Variants in ITGA2B observed in about 807,000 individuals in gnomAD.
ITGA2B encodes integrin alpha-IIb.
Under a neutral mutation model 142.0 loss-of-function variants are expected in ITGA2B, and 91 were observed. The ratio of observed to expected loss-of-function variants is 0.64; its 90% CI spans 0.54 to 0.76. The LOEUF is 0.76. ITGA2B is among the 30% of genes least tolerant of loss of function. The probability of loss-of-function intolerance (pLI) is 0.00; values close to 1 mark genes in which losing one functional copy is unlikely to be tolerated. For synonymous variants in ITGA2B, 536 were observed against 567.2 expected, an observed-to-expected ratio of 0.94 and a Z score of 0.78; for missense variants, 1,231 against 1,350.8, an observed-to-expected ratio of 0.91 and a Z score of 1.39.
At chr17:44,387,826 CAAAAAAAAAAAAAA>C (rs980395817) in intron 1 of ITGA2B, among the ~76,000 whole-genome samples, 53 of 24,562 alleles carry the variant, frequency 2.2e-3, no homozygotes, top group Non-Finnish European at 3.6e-3. Context: ...AACCCCATCT[CAAAAAAAAAAAAAA>C]AAAAAAAAAA....
chr17:44,376,003 G>T lies in ITGA2B; in HGVS notation c.2449-18C>A, dbSNP rs772401197. The T allele has an allele frequency of 4.3e-6, 7 of 1,613,938 alleles. No individual in the cohort carries two copies. The highest frequency in any genetic ancestry group is 1.1e-5 in the South Asian group (1 of 91,086). Reference sequence around the variant, plus strand: ...TTGTGGAGCTGAAGGGGTGGTGGTGGCAGGGTGTGGGGAGCTTAGCGCCTC... The same window carrying T: ...TTGTGGAGCTGAAGGGGTGGTGGTGTCAGGGTGTGGGGAGCTTAGCGCCTC... On this transcript the variant is annotated intron_variant, in intron 24 of 29. Transcript: ENST00000262407.
intron 22 of ITGA2B, 37 bp from the exon 23 acceptor site, chr17:44,376,425 ACACCAGCCCAGTG>A: frequency 6.2e-7 from 1 of 1,600,984 alleles, no homozygotes; most frequent in Non-Finnish European, 8.6e-7. Context: ...AGGGCCAGGG[ACACCAGCCCAGTG>A]ACTTTCTGGG....
intron 13 of ITGA2B, 111 bp from the exon 14 acceptor site, chr17:44,380,756 C>G (rs772664304): frequency 6.3e-7 from 1 of 1,589,718 alleles, no homozygotes; most frequent in Non-Finnish European, 8.6e-7. Flanking sequence ...TCACCCAGCC[C>G]CTCTGGCAGT....
intron 12 of ITGA2B, 107 bp from the exon 13 acceptor site, chr17:44,381,168 G>T: frequency 8.8e-7 from 1 of 1,134,438 alleles, no homozygotes; most frequent in Non-Finnish European, 1.2e-6. Flanking sequence ...ACTAGGAAAG[G>T]GGTGCAAAGT....
intron 4 of ITGA2B, 76 bp downstream of exon 4, chr17:44,385,475 C>A (rs1344019909): frequency 5.6e-5 from 84 of 1,512,532 alleles, no homozygotes; most frequent in Non-Finnish European, 7.2e-5. Flanking sequence ...AGGGCTGCGG[C>A]GCTGGGGGCG....
chr17:44,375,058 C>T lies in ITGA2B; in HGVS notation c.2781G>A (p.Ala927=). 6.5e-7 allele frequency: 1 copy of T among 1,547,828 alleles called. No individual in the cohort carries two copies. The highest frequency in any genetic ancestry group is 8.7e-7 in the Non-Finnish European group (1 of 1,146,950). ...CCGTGACCATGGCCCGCTGCCCGCG[C>T]GCCATCTCCTGCAGGTCACACTGCA... ...TVVQCDLQEM[A]RGQRAMVTVL... Residue 927 remains alanine, a synonymous_variant, in exon 27 of 30, where the codon GCG becomes GCA. Transcript: ENST00000262407.
In ITGA2B at chr17:44,388,820, T is replaced by C. The variant is rs57910405; in HGVS notation, c.188+466A>G. Reference sequence around the variant, plus strand: ...GTGTGAGCCACTGTGCCTGGTCTCTTTTTTTTTTTTTTTTTTGTATTTTTA... The same window carrying C: ...GTGTGAGCCACTGTGCCTGGTCTCTCTTTTTTTTTTTTTTTTGTATTTTTA... On this transcript the variant is annotated intron_variant, in intron 1 of 29. Transcript: ENST00000262407. Among the ~76,000 whole-genome samples the C allele has an allele frequency of 6.0e-3, 881 of 145,872 alleles. 13 individuals are homozygous for C. The highest frequency in any genetic ancestry group is 0.02 in the African/African-American group (777 of 39,744).
At position 44,374,730 on chromosome 17, in the gene ITGA2B, G is replaced by T; in HGVS notation, c.2872C>A (p.His958Asn). The stretch of plus-strand genomic sequence containing the variant: ...AGGGAGGACACGTTGAACCATGCGT[G>T]CGACTGCAGCACAAACTGATCCAGA... ...RPLDQFVLQSHAWFNVSSLPY... is the reference protein window; with the variant it reads ...RPLDQFVLQSNAWFNVSSLPY... Residue 958 changes from histidine (H) to asparagine (N), a missense_variant, in exon 28 of 30, where the codon CAC becomes AAC. Coordinates refer to ENST00000262407, the MANE Select transcript of ITGA2B (RefSeq NM_000419.5). 1 of 1,614,074 alleles carries T rather than the reference G, an allele frequency of 6.2e-7. No homozygotes were observed. The highest frequency in any genetic ancestry group is 8.5e-7 in the Non-Finnish European group (1 of 1,180,010).
rs2048647163 is a variant in ITGA2B, at chr17:44,386,118, C to T, written c.202G>A (p.Val68Met). ...KDSHGRVAIV[V>M]GAPRTLGPSQ... is the part of the protein sequence containing the mutation. The stretch of plus-strand genomic sequence containing the variant: ...GGGCCCAGGGTCCGCGGGGCGCCCA[C>T]CACGATGGCCACTCTGCATAGGAAA... The change falls in exon 2 of 30, where the codon GTG becomes ATG. Residue 68 changes from valine to methionine, a missense_variant. By Grantham distance (21) the Val-to-Met change is conservative. Transcript: ENST00000262407. 2 of 1,599,686 alleles carry T rather than the reference C, an allele frequency of 1.3e-6. No individual in the cohort carries two copies. The highest frequency in any genetic ancestry group is 1.7e-6 in the Non-Finnish European group (2 of 1,175,494).
rs850731 is a variant in ITGA2B, at chr17:44,376,902, T to C, written c.2267+107A>G. 0.45 allele frequency: 394,696 copies of C among 870,180 alleles called. 93,253 individuals carry two copies. Among genetic ancestry groups the C allele is most frequent in the African/African-American group, 0.77 (46,533 of 60,414 alleles). 53.9% of individuals were successfully genotyped at this position (870,180 alleles called of 1,614,324 possible). ...TGCTGGGATTACAGGTGTGAGCCAC[T>C]GCGCCTGGCCTCGAAAGACCCTTCT... is the stretch of plus-strand genomic sequence containing the variant. On this transcript the variant is annotated intron_variant, in intron 22 of 29. Coordinates refer to ENST00000262407, the MANE Select transcript of ITGA2B (RefSeq NM_000419.5).
chr17:44,373,312 A>AT (rs1186098408), intron 29 of ITGA2B, among the ~76,000 whole-genome samples: 1 of 151,536 alleles, frequency 6.6e-6, no homozygotes. Flanking sequence ...TAATTTTTGT[A>AT]TTTTTAGTAG....
chr17:44,377,131 CT>C, intron 21 of ITGA2B, 43 bp from the exon 22 acceptor site: 1 of 1,432,458 alleles, frequency 7.0e-7, no homozygotes. Context: ...AAGTGCCCCA[CT>C]TAGGACAGCC....
chr17:44,386,372 A>G (rs1388196725), intron 1 of ITGA2B, among the ~76,000 whole-genome samples: 1 of 152,234 alleles, frequency 6.6e-6, no homozygotes, highest in Non-Finnish European at 1.5e-5. Context: ...AGCTGGGACT[A>G]TAACCATTTG....
At chr17:44,384,231 G>T in intron 9 of ITGA2B, 80 bp downstream of exon 9, 1 of 1,586,474 alleles carries the variant, frequency 6.3e-7, no homozygotes, top group Non-Finnish European at 8.6e-7. Context: ...AGGCGGGGCG[G>T]GGGTGGGGGG....
chr17:44,375,508 AC>A (rs1567898206), intron 26 of ITGA2B, 82 bp downstream of exon 26: 1 of 1,549,710 alleles, frequency 6.5e-7, no homozygotes. Flanking sequence ...CCCACAGCAC[AC>A]CCGGACCCCT....
In ITGA2B at chr17:44,377,742, C is replaced by A; in HGVS notation, c.2143G>T (p.Val715Leu). 1 of 1,613,980 alleles carries A rather than the reference C, an allele frequency of 6.2e-7. No individual in the cohort carries two copies. The highest frequency in any genetic ancestry group is 8.5e-7 in the Non-Finnish European group (1 of 1,179,946). Residue 715 changes from valine (V) to leucine (L), a missense_variant, in exon 21 of 30, where the codon GTG becomes TTG. By Grantham distance (32) the Val-to-Leu change is conservative (BLOSUM62 1). This residue lies in a region of ITGA2B where 908 missense variants were observed against 1,021.1 expected (regional missense o/e 0.89). Transcript: ENST00000262407. The part of the protein sequence containing the change: ...CNQKKENETR[V>L]VLCELGNPMK... The stretch of plus-strand genomic sequence containing the variant: ...GGGTTGCCCAGCTCACACAGCACCA[C>A]CCTGGTCTCATTCTCCTTCTTCTGA...
intron 22 of ITGA2B, among the ~76,000 whole-genome samples, 189 bp downstream of exon 22, chr17:44,376,820 C>G (rs2143442649): frequency 6.6e-6 from 1 of 152,140 alleles, no homozygotes; most frequent in Admixed American, 6.6e-5. Context: ...ACCATGTTGG[C>G]CAGGCTGGTC....
In ITGA2B at chr17:44,380,584, T is replaced by C. The variant is rs747156426; in HGVS notation, c.1439+16A>G. 1 of 1,614,216 alleles carries C rather than the reference T, an allele frequency of 6.2e-7. No homozygotes were observed. Among genetic ancestry groups the C allele is most frequent in the Non-Finnish European group, 8.5e-7 (1 of 1,180,026 alleles). On this transcript the variant is annotated intron_variant, in intron 14 of 29. Transcript: ENST00000262407. ...CACAGGACCTTCCCCATCCCGCCCC[T>C]GGAGCCAGTGCTCACCTGTACACAG...
chr17:44,384,307 T>G lies in ITGA2B; in HGVS notation c.891+4A>C, dbSNP rs2048624014. 1.2e-6 allele frequency: 2 copies of G among 1,613,150 alleles called. No homozygotes were observed. Among genetic ancestry groups the G allele is most frequent in the Non-Finnish European group, 1.7e-6 (2 of 1,179,860 alleles). On this transcript the variant is annotated splice_donor_region_variant and intron_variant, in intron 9 of 29. Coordinates refer to ENST00000262407, the MANE Select transcript of ITGA2B (RefSeq NM_000419.5). ...TCGGGAGGCCCAGTGGTGGGGGCAC[T>G]TACCGCTCCCAGGGTCCAGCTCCAA...
Sources: gnomAD v4.1 joint callset for allele counts (sites outside exome capture counted in the v4.1 genomes callset) on GRCh38, gnomAD v4.1.1 for gene constraint, gnomAD v4.1.1 regional missense constraint, MANE v1.5 for transcripts, NCBI Gene and HGNC (gene_info 2026-07-23, HGNC 2026-07-21) for gene names.